Variants in FHIP1A observed in about 807,000 individuals in gnomAD.
FHIP1A encodes the protein FHF complex subunit HOOK-interacting protein 1A.
A neutral mutation model predicts 88.6 loss-of-function variants in FHIP1A; 61 were observed. That is an observed-to-expected ratio of 0.69 (90% CI 0.56 to 0.85). FHIP1A has a LOEUF of 0.85. FHIP1A is among the 40% of genes least tolerant of loss of function. The pLI is 0.00. For synonymous variants in FHIP1A, 478 were observed against 496.0 expected, an observed-to-expected ratio of 0.96 and a Z score of 0.48; for missense variants, 1,154 against 1,273.5, an observed-to-expected ratio of 0.91 and a Z score of 1.43.
chr4:151,425,227 G>A (rs1287508230), intron 1 of FHIP1A, among the ~76,000 whole-genome samples: 1 of 152,148 alleles, frequency 6.6e-6, no homozygotes, highest in Non-Finnish European at 1.5e-5. Flanking sequence ...AAGAAGCACA[G>A]GAAAAGGAGG....
chr4:151,533,234 A>C (rs911383169), intron 3 of FHIP1A, among the ~76,000 whole-genome samples: 2 of 152,088 alleles, frequency 1.3e-5, no homozygotes, highest in Non-Finnish European at 2.9e-5. Flanking sequence ...GTCTTTACAA[A>C]AATTTTAAAA....
intron 3 of FHIP1A, among the ~76,000 whole-genome samples, chr4:151,522,537 C>G (rs1458107170): frequency 6.6e-6 from 1 of 152,200 alleles, no homozygotes; most frequent in East Asian, 1.9e-4. Context: ...TCACTGCTGG[C>G]TGCTGCCTAC....
chr4:151,581,294 G>A (rs538173204), intron 5 of FHIP1A, among the ~76,000 whole-genome samples: 49 of 152,286 alleles, frequency 3.2e-4, no homozygotes, highest in African/African-American at 1.1e-3. Flanking sequence ...TTTTGGGGGT[G>A]AAGGAAGGGA....
chr4:151,590,839 T>G (rs1044481678), intron 7 of FHIP1A, among the ~76,000 whole-genome samples: 1 of 152,134 alleles, frequency 6.6e-6, no homozygotes, highest in Non-Finnish European at 1.5e-5. Context: ...GTTAATACAT[T>G]TAAAGTTTAA....
intron 3 of FHIP1A, chr4:151,532,926 C>T (rs1168825646): frequency 6.6e-6 from 1 of 152,222 alleles, no homozygotes; most frequent in Non-Finnish European, 1.5e-5. Flanking sequence ...AAGCCTTGCC[C>T]CCATGATTCA....
At chr4:151,484,530 A>C (rs147157882) in intron 3 of FHIP1A, among the ~76,000 whole-genome samples, 140 of 152,338 alleles carry the variant, frequency 9.2e-4, no homozygotes, top group African/African-American at 3.2e-3. Flanking sequence ...GAAAGGATGT[A>C]ACACTTGGGT....
In FHIP1A at chr4:151,667,872, A is replaced by G. The variant is rs1305400975; in HGVS notation, c.*5118A>G. Among the ~76,000 whole-genome samples, 2 of 152,200 alleles carry G rather than the reference A, an allele frequency of 1.3e-5. No homozygotes were observed. The highest frequency in any genetic ancestry group is 2.1e-4 in the South Asian group (1 of 4,836). On this transcript the variant is annotated 3_prime_UTR_variant, in exon 14 of 14. Coordinates refer to ENST00000435205, the MANE Select transcript of FHIP1A (RefSeq NM_001109977.3). ...TCGGGGAGTTTAGATTTACTGTGTC[A>G]TTTCAGAACCCAACAAAGGTGATGG...
intron 7 of FHIP1A, among the ~76,000 whole-genome samples, chr4:151,593,279 G>GT (rs1173473240): frequency 6.6e-6 from 1 of 152,134 alleles, no homozygotes; most frequent in Non-Finnish European, 1.5e-5. Flanking sequence ...ATTTAAAGTA[G>GT]TTTTTTCTAA....
intron 13 of FHIP1A, among the ~76,000 whole-genome samples, chr4:151,658,456 T>G (rs1386618795): frequency 6.6e-6 from 1 of 152,124 alleles, no homozygotes; most frequent in East Asian, 1.9e-4. Flanking sequence ...GTGATGGAGG[T>G]GATGGGGGTG....
chr4:151,552,888 T>C (rs1221820271), intron 3 of FHIP1A, among the ~76,000 whole-genome samples: 1 of 151,930 alleles, frequency 6.6e-6, no homozygotes. Context: ...ACAGATCCAT[T>C]TCTCCCGGGT....
At position 151,668,031 on chromosome 4, in the gene FHIP1A, G is replaced by T. The variant is rs1002236662; in HGVS notation, c.*5277G>T. On this transcript the variant is annotated 3_prime_UTR_variant, in exon 14 of 14. Transcript: ENST00000435205. ...TAACAAGGCCCCTTTTTGCCCTGTGGATATTTTAAAAGAGGGAATTTGGTG... is the reference window on the plus strand; with the variant it reads ...TAACAAGGCCCCTTTTTGCCCTGTGTATATTTTAAAAGAGGGAATTTGGTG... Among the ~76,000 whole-genome samples, 41 of 152,102 alleles carry T rather than the reference G, an allele frequency of 2.7e-4. No individual in the cohort carries two copies. The highest frequency in any genetic ancestry group is 8.7e-4 in the African/African-American group (36 of 41,416).
At position 151,632,536 on chromosome 4, in the gene FHIP1A, T is replaced by C. The variant is rs1736194421; in HGVS notation, c.1146+2667T>C. Among the ~76,000 whole-genome samples, 10 of 152,146 alleles carry C rather than the reference T, an allele frequency of 6.6e-5. No homozygotes were observed. In the South Asian group the frequency reaches 2.1e-3, roughly 32 times the overall value. ...ACCCAGCAATGGCAGGATATACGGT[T>C]CTCCTCAAGGGCACATGGAACATTC... On this transcript the variant is annotated intron_variant, in intron 8 of 13. Coordinates refer to ENST00000435205, the MANE Select transcript of FHIP1A (RefSeq NM_001109977.3).
At chr4:151,584,045 A>C (rs1284959166) in intron 5 of FHIP1A, among the ~76,000 whole-genome samples, 1 of 152,196 alleles carries the variant, frequency 6.6e-6, no homozygotes, top group Non-Finnish European at 1.5e-5. Flanking sequence ...TAAATGAATG[A>C]ATGATTAAAG....
At chr4:151,529,486 C>G (rs1731795528) in intron 3 of FHIP1A, among the ~76,000 whole-genome samples, 1 of 152,174 alleles carries the variant, frequency 6.6e-6, no homozygotes, top group Admixed American at 6.5e-5. Context: ...GACATTAGAG[C>G]ACATCATAGG....
At chr4:151,534,720 A>G (rs1481433610) in intron 3 of FHIP1A, 1 of 152,216 alleles carries the variant, frequency 6.6e-6, no homozygotes, top group African/African-American at 2.4e-5. Context: ...TCCAAGAACA[A>G]GTTAATCCTC....
chr4:151,412,573 TCTTTC>T lies in FHIP1A; in HGVS notation c.-356+3114_-356+3118del, dbSNP rs146973116. ...TTTTCTTTTTCTTTCTTTCTTTCTT[TCTTTC>T]CTTTCTTTCCTTCCTTCCTTCCTTC... On this transcript the variant is annotated intron_variant, in intron 1 of 13. Coordinates refer to ENST00000435205, the MANE Select transcript of FHIP1A (RefSeq NM_001109977.3). Among the ~76,000 whole-genome samples the T allele has an allele frequency of 1.7e-3, 243 of 142,244 alleles. 3 individuals are homozygous for T. The highest frequency in any genetic ancestry group is 3.1e-3 in the East Asian group (15 of 4,880). 93.3% of individuals were successfully genotyped at this position (142,244 alleles called of 152,430 possible).
At chr4:151,521,331 A>T (rs1410562641) in intron 3 of FHIP1A, among the ~76,000 whole-genome samples, 1 of 152,126 alleles carries the variant, frequency 6.6e-6, no homozygotes, top group East Asian at 1.9e-4. Context: ...AATATTTAAT[A>T]ATTTTTTTCA....
At chr4:151,531,504 CTTTT>C (rs10711474) in intron 3 of FHIP1A, among the ~76,000 whole-genome samples, 1 of 145,312 alleles carries the variant, frequency 6.9e-6, no homozygotes, top group Admixed American at 6.9e-5. Flanking sequence ...CTTTTTTCTT[CTTTT>C]TTTTTTTTGC....
intron 7 of FHIP1A, among the ~76,000 whole-genome samples, chr4:151,622,966 A>G (rs1243502007): frequency 6.6e-6 from 1 of 152,174 alleles, no homozygotes; most frequent in Admixed American, 6.5e-5. Context: ...GTAGGGTACA[A>G]GTTATGCACA....
Sources: allele counts gnomAD v4.1 joint callset (sites outside exome capture counted in the v4.1 genomes callset), GRCh38; gene constraint gnomAD v4.1.1; transcripts MANE v1.5; gene names NCBI Gene and HGNC (gene_info 2026-07-23, HGNC 2026-07-21).